Variants in RALB observed in about 807,000 individuals in gnomAD.
RALB encodes the protein ras-related protein Ral-B.
In RALB, 16 loss-of-function variants were observed where a neutral mutation model predicts 21.3. That is an observed-to-expected ratio of 0.75 (90% CI 0.51 to 1.14). The LOEUF (loss-of-function observed/expected upper bound fraction) is 1.14, where lower values mean the gene tolerates loss of function less well. Ranked by LOEUF, RALB falls within the 50% of genes most tolerant of loss-of-function variation. RALB has a pLI of 0.00. For missense variants in RALB, 161 were observed against 256.2 expected, an observed-to-expected ratio of 0.63 and a Z score of 2.54; for synonymous variants, 93 against 96.1, an observed-to-expected ratio of 0.97 and a Z score of 0.19.
intron 1 of RALB, among the ~76,000 whole-genome samples, chr2:120,270,450 C>T (rs1340597121): frequency 5.3e-5 from 8 of 152,148 alleles, no homozygotes; most frequent in African/African-American, 1.9e-4. Flanking sequence ...GCATGTGATT[C>T]CATAAGATTG....
chr2:120,263,910 C>A (rs535077995), intron 1 of RALB, among the ~76,000 whole-genome samples: 1 of 149,736 alleles, frequency 6.7e-6, no homozygotes, highest in East Asian at 2.0e-4. Context: ...TGCAATGGTG[C>A]GATCTCGGCT....
chr2:120,259,920 G>A (rs977790671), intron 1 of RALB, among the ~76,000 whole-genome samples: 1 of 152,240 alleles, frequency 6.6e-6, no homozygotes, highest in Non-Finnish European at 1.5e-5. Context: ...AAGGCCCGGC[G>A]AGAAATCGAG....
intron 1 of RALB, among the ~76,000 whole-genome samples, chr2:120,241,861 G>A (rs1373573977): frequency 3.9e-5 from 6 of 152,200 alleles, no homozygotes; most frequent in Admixed American, 2.0e-4. Context: ...ACAATATGAT[G>A]GTTCCTCAAA....
At chr2:120,288,342 G>GTTTGTTT (rs1690218094) in intron 3 of RALB, among the ~76,000 whole-genome samples, 1 of 117,092 alleles carries the variant, frequency 8.5e-6, no homozygotes, top group African/African-American at 3.5e-5. Flanking sequence ...GAAAATTTTA[G>GTTTGTTT]TTTTTTTTTT....
chr2:120,273,662 A>C (rs898143139), intron 1 of RALB, among the ~76,000 whole-genome samples: 1 of 152,234 alleles, frequency 6.6e-6, no homozygotes, highest in Non-Finnish European at 1.5e-5. Flanking sequence ...GGTGTGGCCT[A>C]TGCCCAGGAA....
At chr2:120,249,419 T>C (rs1406590688), upstream of RALB, among the ~76,000 whole-genome samples, 1 of 152,226 alleles carries the variant, frequency 6.6e-6, no homozygotes, top group African/African-American at 2.4e-5. Flanking sequence ...AATTAGCTCA[T>C]GTTTCTGTAG....
At chr2:120,292,431 A>G (rs552758104) in intron 4 of RALB, among the ~76,000 whole-genome samples, 1 of 152,126 alleles carries the variant, frequency 6.6e-6, no homozygotes, top group South Asian at 2.1e-4. Flanking sequence ...TGATGTTCCA[A>G]CCTCCATGGG....
intron 1 of RALB, among the ~76,000 whole-genome samples, chr2:120,257,406 T>C (rs2104584029): frequency 6.6e-6 from 1 of 152,350 alleles, no homozygotes; most frequent in Non-Finnish European, 1.5e-5. Flanking sequence ...AGATGAAATC[T>C]TCCTGAAGTG....
intron 3 of RALB, among the ~76,000 whole-genome samples, chr2:120,288,476 C>T (rs1166316730): frequency 3.3e-5 from 5 of 150,776 alleles, no homozygotes; most frequent in South Asian, 2.1e-4. Context: ...TGAGCCACCA[C>T]GCCTAGAAAA....
intron 1 of RALB, among the ~76,000 whole-genome samples, chr2:120,278,235 A>C (rs1210493590): frequency 6.6e-6 from 1 of 152,160 alleles, no homozygotes; most frequent in Non-Finnish European, 1.5e-5. Context: ...TGAGGTCCCA[A>C]GCTGTTCTCC....
At chr2:120,266,672 C>G (rs1421693114) in intron 1 of RALB, among the ~76,000 whole-genome samples, 1 of 152,144 alleles carries the variant, frequency 6.6e-6, no homozygotes, top group Non-Finnish European at 1.5e-5. Flanking sequence ...GATCACGCCA[C>G]TGTACTCCAG....
At chr2:120,271,357 G>A (rs114932729) in intron 1 of RALB, among the ~76,000 whole-genome samples, 1,784 of 152,290 alleles carry the variant, frequency 0.012, 33 homozygotes, top group African/African-American at 0.04. Context: ...ACATTACATA[G>A]AAAAACCATT....
chr2:120,288,178 T>C (rs955354249), intron 3 of RALB, among the ~76,000 whole-genome samples: 1 of 152,164 alleles, frequency 6.6e-6, no homozygotes, highest in African/African-American at 2.4e-5. Flanking sequence ...GTTCATAGTT[T>C]ATAATGATCA....
At chr2:120,256,135 A>G (rs566408616) in intron 1 of RALB, among the ~76,000 whole-genome samples, 23 of 152,286 alleles carry the variant, frequency 1.5e-4, no homozygotes, top group Admixed American at 1.0e-3. Flanking sequence ...CTTCTGGCTC[A>G]TGGTCTCTCC....
In RALB at chr2:120,288,720, C is replaced by T. The variant is rs181331498; in HGVS notation, c.324-860C>T. On this transcript the variant is annotated intron_variant, in intron 3 of 4. Transcript: ENST00000272519. ...AGTAGACGTAAAATTTAATATGCTA[C>T]GAGTAATGGTATTTTTGTAGAAGAC... Among the ~76,000 whole-genome samples, 25 of 152,132 alleles carry T rather than the reference C, an allele frequency of 1.6e-4. No individual in the cohort carries two copies. In the East Asian group the frequency reaches 2.7e-3, roughly 16 times the overall value.
intron 1 of RALB, among the ~76,000 whole-genome samples, chr2:120,270,774 A>G (rs895039246): frequency 3.9e-5 from 6 of 152,112 alleles, no homozygotes; most frequent in African/African-American, 1.4e-4. Context: ...TTTATTTAAT[A>G]TTCATTATAG....
Position 120,286,052 on chromosome 2 carries a change from A to G in RALB, c.293A>G (p.His98Arg). The change falls in exon 3 of 5, where the codon CAT becomes CGT. Residue 98 changes from histidine to arginine, a missense_variant. Physicochemically the swap from His to Arg is conservative, Grantham distance 29. Transcript: ENST00000272519. ...GFLLVFSITE[H>R]ESFTATAEFR... The stretch of plus-strand genomic sequence containing the variant: ...CTTCTTGTGTTCTCAATCACAGAAC[A>G]TGAATCCTTTACAGCAACTGCCGAA... 1 of 1,614,114 alleles carries G rather than the reference A, an allele frequency of 6.2e-7. No individual in the cohort carries two copies. The highest frequency in any genetic ancestry group is 8.5e-7 in the Non-Finnish European group (1 of 1,180,010).
At chr2:120,270,780 T>C (rs1336636086) in intron 1 of RALB, among the ~76,000 whole-genome samples, 1 of 152,198 alleles carries the variant, frequency 6.6e-6, no homozygotes. Context: ...TAATATTCAT[T>C]ATAGTTATGG....
intron 1 of RALB, among the ~76,000 whole-genome samples, chr2:120,255,996 G>A (rs1445255477): frequency 1.1e-4 from 16 of 152,160 alleles, no homozygotes. Context: ...TGTAAAGTTT[G>A]CCTACCTTTT....
Sources: allele counts gnomAD v4.1 joint callset (sites outside exome capture counted in the v4.1 genomes callset), GRCh38; gene constraint gnomAD v4.1.1; transcripts MANE v1.5; gene names NCBI Gene and HGNC (gene_info 2026-07-23, HGNC 2026-07-21).